CEP128: variants seen among roughly 807,000 people sequenced by gnomAD.
The protein encoded by CEP128 is centrosomal protein 128, also known as centrosomal protein 128kDa.
A neutral mutation model predicts 156.7 loss-of-function variants in CEP128; 132 were observed. The observed-to-expected ratio is 0.84, with a 90% CI of 0.73 to 0.97. CEP128 has a LOEUF of 0.97. CEP128 is among the 50% of genes least tolerant of loss of function. The pLI is 0.00. For missense variants in CEP128, 1,252 were observed against 1,281.9 expected (o/e 0.98, Z 0.36); for synonymous variants, 469 against 448.9 (o/e 1.04, Z -0.57).
At chr14:80,811,160 TACC>T (rs1418053569) in intron 13 of CEP128, among the ~76,000 whole-genome samples, 64 of 152,348 alleles carry the variant, frequency 4.2e-4, no homozygotes, top group Admixed American at 4.2e-3. Flanking sequence ...GGTATATATG[TACC>T]ACATTTTCTT....
intron 19 of CEP128, among the ~76,000 whole-genome samples, chr14:80,700,187 T>G (rs1407234076): frequency 6.6e-6 from 1 of 152,142 alleles, no homozygotes; most frequent in Non-Finnish European, 1.5e-5. Flanking sequence ...GATCAGACTT[T>G]CTGAGTTTAG....
chr14:80,613,490 T>C (rs1893090974), intron 19 of CEP128, among the ~76,000 whole-genome samples: 2 of 150,550 alleles, frequency 1.3e-5, no homozygotes, highest in African/African-American at 4.9e-5. Context: ...TTTGTATTTA[T>C]GGTAGAGACG....
At chr14:80,733,886 C>T (rs988912875) in intron 19 of CEP128, among the ~76,000 whole-genome samples, 2 of 152,142 alleles carry the variant, frequency 1.3e-5, no homozygotes, top group Admixed American at 6.5e-5. Flanking sequence ...TAAAGGTACA[C>T]TAGGCATCTG....
chr14:80,842,132 T>G (rs914431909), intron 9 of CEP128, among the ~76,000 whole-genome samples: 1 of 152,098 alleles, frequency 6.6e-6, no homozygotes, highest in African/African-American at 2.4e-5. Flanking sequence ...AATAATGTAC[T>G]TTTCTATTAT....
chr14:80,786,982 G>A (rs988659248), intron 14 of CEP128, among the ~76,000 whole-genome samples: 1 of 152,106 alleles, frequency 6.6e-6, no homozygotes, highest in Non-Finnish European at 1.5e-5. Context: ...AGGAACTCTG[G>A]AACACAGATG....
chr14:80,945,685 C>A (rs1204574016), upstream of CEP128: 2 of 152,174 alleles, frequency 1.3e-5, no homozygotes, highest in East Asian at 3.8e-4. Context: ...CTAGAATAGT[C>A]TTGATGTACG....
At chr14:80,631,345 T>G (rs1019830659) in intron 19 of CEP128, among the ~76,000 whole-genome samples, 65 of 151,984 alleles carry the variant, frequency 4.3e-4, no homozygotes, top group Admixed American at 1.8e-3. Flanking sequence ...TAGGAATAGC[T>G]TTTAGAATGA....
chr14:80,623,356 G>T (rs909612994), intron 19 of CEP128, among the ~76,000 whole-genome samples: 2 of 151,340 alleles, frequency 1.3e-5, no homozygotes, highest in African/African-American at 4.9e-5. Flanking sequence ...TATACCTAAT[G>T]TTAAATGACG....
At chr14:80,876,709 T>C (rs1158893535) in intron 8 of CEP128, among the ~76,000 whole-genome samples, 1 of 151,710 alleles carries the variant, frequency 6.6e-6, no homozygotes, top group Non-Finnish European at 1.5e-5. Flanking sequence ...AAATGGCCCA[T>C]CTAGAATTTT....
chr14:80,826,631 T>C (rs185809657), intron 13 of CEP128, among the ~76,000 whole-genome samples: 310 of 152,298 alleles, frequency 2.0e-3, no homozygotes, highest in Admixed American at 3.9e-3. Context: ...CTTTCTTTTT[T>C]ATACCATCCT....
At chr14:80,646,602 C>T (rs1029999865) in intron 19 of CEP128, among the ~76,000 whole-genome samples, 1 of 151,918 alleles carries the variant, frequency 6.6e-6, no homozygotes, top group Non-Finnish European at 1.5e-5. Context: ...AAACGTTATA[C>T]ATACTTACAA....
At chr14:80,822,666 A>G in intron 13 of CEP128, 1 of 765,346 alleles carries the variant, frequency 1.3e-6, no homozygotes, top group East Asian at 2.5e-5. Flanking sequence ...CCTGCAAAGA[A>G]GGGAGAGAAA....
At chr14:80,718,957 T>G (rs1254336675) in intron 19 of CEP128, among the ~76,000 whole-genome samples, 4 of 152,204 alleles carry the variant, frequency 2.6e-5, no homozygotes. Flanking sequence ...AGAAAAGTTT[T>G]ATAACCTTTT....
intron 19 of CEP128, among the ~76,000 whole-genome samples, chr14:80,668,183 T>C (rs898555633): frequency 2.6e-5 from 4 of 152,134 alleles, no homozygotes; most frequent in African/African-American, 9.7e-5. Flanking sequence ...AAAGGCACAG[T>C]CAAGTTAAAT....
intron 7 of CEP128, among the ~76,000 whole-genome samples, chr14:80,898,267 C>G (rs1889441178): frequency 6.6e-6 from 1 of 152,098 alleles, no homozygotes; most frequent in Non-Finnish European, 1.5e-5. Flanking sequence ...GAAAGTTAAA[C>G]TTTTTAACTT....
chr14:80,663,018 T>C (rs1200816954), intron 19 of CEP128, among the ~76,000 whole-genome samples: 1 of 152,218 alleles, frequency 6.6e-6, no homozygotes, highest in Non-Finnish European at 1.5e-5. Flanking sequence ...GTACCATCCT[T>C]GACAATGACA....
intron 7 of CEP128, among the ~76,000 whole-genome samples, chr14:80,898,703 T>A (rs1286232671): frequency 6.6e-6 from 1 of 152,220 alleles, no homozygotes; most frequent in Non-Finnish European, 1.5e-5. Flanking sequence ...AAAGTGTTAA[T>A]GTCATTTTGT....
rs566211411 is a variant in CEP128 at position 80,542,918 on chromosome 14, G to A, written c.2881-12032C>T. 1.9e-4 allele frequency among the ~76,000 whole-genome samples: 29 copies of A among 152,230 alleles called. 1 individual carries two copies. The highest frequency in any genetic ancestry group is 2.2e-4 in the Non-Finnish European group (15 of 68,006). ...GAGGTAAACATAATTAATCTTCTCT[G>A]TCCTCAAAATAAAGGGCTATTTTCT... On this transcript the variant is annotated intron_variant, in intron 21 of 24. Coordinates refer to ENST00000555265, the MANE Select transcript of CEP128 (RefSeq NM_152446.5).
At chr14:80,487,616 A>G (rs1887197937), downstream of CEP128, among the ~76,000 whole-genome samples, 1 of 152,206 alleles carries the variant, frequency 6.6e-6, no homozygotes, top group East Asian at 1.9e-4. Flanking sequence ...AATTGACCAC[A>G]TAGTTGGAAG....
Sources: allele counts gnomAD v4.1 joint callset (sites outside exome capture counted in the v4.1 genomes callset), GRCh38; gene constraint gnomAD v4.1.1; transcripts MANE v1.5; gene names NCBI Gene and HGNC (gene_info 2026-07-23, HGNC 2026-07-21).